Variants in SSBP3 observed in about 807,000 individuals in gnomAD.
SSBP3 encodes the protein single-stranded DNA-binding protein 3.
A neutral mutation model predicts 69.6 loss-of-function variants in SSBP3; 5 were observed. The ratio of observed to expected loss-of-function variants is 0.07; its 90% CI spans 0.04 to 0.15. SSBP3 has a LOEUF of 0.15. Among genes scored for constraint, SSBP3 ranks in the 10% least tolerant of loss-of-function variants. The pLI is 1.00. For synonymous variants in SSBP3, 196 were observed against 193.4 expected (o/e 1.01, Z -0.11); for missense variants, 312 against 534.0 (o/e 0.58, Z 4.10).
intron 4 of SSBP3, among the ~76,000 whole-genome samples, chr1:54,331,626 G>A (rs1021087998): frequency 3.9e-5 from 6 of 152,154 alleles, no homozygotes; most frequent in South Asian, 2.1e-4. Flanking sequence ...TGCCTGTGCC[G>A]GGCTATCACT....
chr1:54,379,700 T>A (rs1463292212), intron 4 of SSBP3, among the ~76,000 whole-genome samples: 2 of 152,120 alleles, frequency 1.3e-5, no homozygotes, highest in Non-Finnish European at 2.9e-5. Context: ...AGAGCCACAG[T>A]GACCCTTCCA....
chr1:54,389,734 G>A (rs1410389393), intron 4 of SSBP3, among the ~76,000 whole-genome samples: 1 of 151,996 alleles, frequency 6.6e-6, no homozygotes, highest in Non-Finnish European at 1.5e-5. Context: ...AAAGTTAGCT[G>A]GGCATGGTGG....
intron 4 of SSBP3, among the ~76,000 whole-genome samples, chr1:54,290,819 C>G (rs116124417): frequency 6.6e-6 from 1 of 152,338 alleles, no homozygotes; most frequent in East Asian, 1.9e-4. Context: ...GAGGATCCCC[C>G]CTAGATGAAC....
chr1:54,232,227 T>C (rs1644391907), intron 14 of SSBP3, among the ~76,000 whole-genome samples: 1 of 152,200 alleles, frequency 6.6e-6, no homozygotes, highest in African/African-American at 2.4e-5. Flanking sequence ...TATTAATATT[T>C]TTATAACGTT....
chr1:54,391,399 G>A (rs934683335), intron 4 of SSBP3, among the ~76,000 whole-genome samples: 1 of 152,232 alleles, frequency 6.6e-6, no homozygotes, highest in Admixed American at 6.5e-5. Flanking sequence ...TGCATCTAAT[G>A]GCAAAGCCCG....
chr1:54,228,149 A>C, intron 17 of SSBP3, 106 bp downstream of exon 17: 1 of 1,031,498 alleles, frequency 9.7e-7, no homozygotes, highest in Non-Finnish European at 1.5e-6. Flanking sequence ...TAACACGGCC[A>C]CCAGCTTAGC....
At chr1:54,235,353 C>G (rs1033689942) in intron 14 of SSBP3, among the ~76,000 whole-genome samples, 1 of 147,976 alleles carries the variant, frequency 6.8e-6, no homozygotes, top group African/African-American at 2.5e-5. Flanking sequence ...ACGATCTCTG[C>G]TCACTGCAAC....
At chr1:54,357,951 A>G (rs866196319) in intron 4 of SSBP3, among the ~76,000 whole-genome samples, 42 of 152,250 alleles carry the variant, frequency 2.8e-4, no homozygotes, top group African/African-American at 8.9e-4. Context: ...CCACACCTAC[A>G]CTATACCATC....
chr1:54,292,617 T>G (rs1016288554), intron 4 of SSBP3, among the ~76,000 whole-genome samples: 1 of 152,138 alleles, frequency 6.6e-6, no homozygotes, highest in African/African-American at 2.4e-5. Context: ...CAGGAAGGTT[T>G]GTCGCACTCA....
At chr1:54,402,593 A>G (rs1471688793) in intron 3 of SSBP3, among the ~76,000 whole-genome samples, 1 of 152,006 alleles carries the variant, frequency 6.6e-6, no homozygotes, top group Non-Finnish European at 1.5e-5. Flanking sequence ...TGCACCAAAA[A>G]ACACAAATCA....
At chr1:54,383,027 GAAAA>G (rs1647793315) in intron 4 of SSBP3, among the ~76,000 whole-genome samples, 1 of 139,004 alleles carries the variant, frequency 7.2e-6, no homozygotes, top group East Asian at 2.2e-4. Flanking sequence ...AAGAAAGAAA[GAAAA>G]GAAAGAAAGA....
At chr1:54,360,518 T>C (rs1331708215) in intron 4 of SSBP3, among the ~76,000 whole-genome samples, 2 of 152,158 alleles carry the variant, frequency 1.3e-5, no homozygotes, top group Non-Finnish European at 2.9e-5. Flanking sequence ...TTCTAATGTA[T>C]CTGAAAGCCT....
intron 4 of SSBP3, among the ~76,000 whole-genome samples, chr1:54,336,558 T>C (rs1299948892): frequency 1.3e-5 from 2 of 152,154 alleles, no homozygotes; most frequent in East Asian, 1.9e-4. Flanking sequence ...CCAGGCCCTG[T>C]ACAGATGGGC....
intron 4 of SSBP3, among the ~76,000 whole-genome samples, chr1:54,302,318 A>ATTTTT (rs10686460): frequency 0.02 from 2,901 of 144,660 alleles, 94 homozygotes; most frequent in African/African-American, 0.07. Flanking sequence ...TCTGAGCATA[A>ATTTTT]TTTTTTTTTT....
At chr1:54,298,099 C>A (rs1217032698) in intron 4 of SSBP3, among the ~76,000 whole-genome samples, 1 of 152,202 alleles carries the variant, frequency 6.6e-6, no homozygotes, top group Admixed American at 6.5e-5. Context: ...CAGGTCAGGG[C>A]TTCAACAGCT....
At chr1:54,392,614 G>A (rs975027987) in intron 4 of SSBP3, among the ~76,000 whole-genome samples, 1 of 152,158 alleles carries the variant, frequency 6.6e-6, no homozygotes, top group Admixed American at 6.5e-5. Context: ...GCTTCACCAC[G>A]TGCCCCTTGT....
At chr1:54,256,478 T>G (rs2100740392) in intron 7 of SSBP3, among the ~76,000 whole-genome samples, 1 of 152,164 alleles carries the variant, frequency 6.6e-6, no homozygotes, top group East Asian at 1.9e-4. Flanking sequence ...CACCTAGAAT[T>G]GCCAACCCTA....
At chr1:54,334,170 G>T (rs1448574864) in intron 4 of SSBP3, among the ~76,000 whole-genome samples, 1 of 152,090 alleles carries the variant, frequency 6.6e-6, no homozygotes, top group Non-Finnish European at 1.5e-5. Flanking sequence ...TGGCCAACAT[G>T]GTGAAACCCT....
At chr1:54,236,389 G>A (rs1280541121) in intron 14 of SSBP3, 2 of 152,146 alleles carry the variant, frequency 1.3e-5, no homozygotes, top group African/African-American at 4.8e-5. Context: ...CTAAAGTGCT[G>A]GGATTACAGG....
Sources: gnomAD v4.1 joint callset for allele counts (sites outside exome capture counted in the v4.1 genomes callset) on GRCh38, gnomAD v4.1.1 for gene constraint, MANE v1.5 for transcripts, NCBI Gene and HGNC (gene_info 2026-07-23, HGNC 2026-07-21) for gene names.